PTBP2: variants seen among roughly 807,000 people sequenced by gnomAD.
PTBP2 encodes the protein polypyrimidine tract-binding protein 2.
A neutral mutation model predicts 61.4 loss-of-function variants in PTBP2; 13 were observed. That is an observed-to-expected ratio of 0.21 (90% confidence interval 0.14 to 0.34). The LOEUF (loss-of-function observed/expected upper bound fraction) is 0.34. Ranked by LOEUF, PTBP2 falls within the 10% of genes least tolerant of loss-of-function variation. The pLI is 1.00. For synonymous variants in PTBP2, 215 were observed against 218.5 expected (o/e 0.98, Z 0.14); for missense variants, 405 against 642.6 (o/e 0.63, Z 4.00).
chr1:96,761,346 ATG>A (rs57451223), intron 3 of PTBP2, among the ~76,000 whole-genome samples: 9,710 of 140,418 alleles, frequency 0.069, 361 homozygotes, highest in Admixed American at 0.11. Context: ...GTGGGATTTG[ATG>A]TGTGTGTGTG....
At chr1:96,822,756 A>G (rs1557791258) in exon 14 of PTBP2, 1 of 150,304 alleles carries the variant, frequency 6.7e-6, no homozygotes, top group African/African-American at 2.5e-5. Flanking sequence ...ACCCTTACTC[A>G]GTAAAGCTGC....
intron 11 of PTBP2, among the ~76,000 whole-genome samples, chr1:96,809,393 A>G (rs182795734): frequency 1.3e-3 from 192 of 152,370 alleles, no homozygotes; most frequent in African/African-American, 4.4e-3. Flanking sequence ...TTCAAAGAGT[A>G]TCATACAGAC....
intron 3 of PTBP2, among the ~76,000 whole-genome samples, chr1:96,759,663 T>C (rs1655569614): frequency 1.3e-5 from 2 of 152,182 alleles, no homozygotes; most frequent in Admixed American, 1.3e-4. Flanking sequence ...CTTAAAGGAA[T>C]ATATAAACTT....
At chr1:96,777,532 A>G in intron 5 of PTBP2, 53 bp from the exon 6 acceptor site, 11 of 1,497,444 alleles carry the variant, frequency 7.3e-6, no homozygotes, top group Non-Finnish European at 9.9e-6. Flanking sequence ...ACAGGTTGCA[A>G]AGTATGTGAC....
chr1:96,819,400 A>G (rs917067300), downstream of PTBP2: 1 of 151,798 alleles, frequency 6.6e-6, no homozygotes, highest in Non-Finnish European at 1.5e-5. Context: ...AATCTTATCT[A>G]TTGTCATGTC....
intron 2 of PTBP2, among the ~76,000 whole-genome samples, chr1:96,732,226 A>C (rs1651525111): frequency 6.6e-6 from 1 of 152,168 alleles, no homozygotes; most frequent in South Asian, 2.1e-4. Context: ...GCTAAATGTA[A>C]CTTTTTTGGT....
intron 3 of PTBP2, among the ~76,000 whole-genome samples, chr1:96,768,356 A>C (rs1656984687): frequency 6.6e-6 from 1 of 152,120 alleles, no homozygotes; most frequent in African/African-American, 2.4e-5. Flanking sequence ...TTGGAGACCA[A>C]GATAATCTGA....
intron 11 of PTBP2, among the ~76,000 whole-genome samples, chr1:96,809,197 C>G (rs1212609929): frequency 6.6e-6 from 1 of 152,092 alleles, no homozygotes; most frequent in Non-Finnish European, 1.5e-5. Flanking sequence ...TTTCAATTCA[C>G]TTTTCTGAAT....
intron 3 of PTBP2, among the ~76,000 whole-genome samples, chr1:96,761,378 G>GTT: frequency 6.8e-6 from 1 of 146,686 alleles, no homozygotes; most frequent in Admixed American, 6.7e-5. Flanking sequence ...GTGTGTGTGT[G>GTT]TGTGTGTGTG....
intron 2 of PTBP2, among the ~76,000 whole-genome samples, chr1:96,737,224 C>T (rs531364532): frequency 6.6e-6 from 1 of 151,972 alleles, no homozygotes; most frequent in South Asian, 2.1e-4. Context: ...CCCTGGCCTC[C>T]CAAAGTGCTG....
At chr1:96,765,023 T>G (rs1381728648) in intron 3 of PTBP2, among the ~76,000 whole-genome samples, 1 of 152,232 alleles carries the variant, frequency 6.6e-6, no homozygotes, top group African/African-American at 2.4e-5. Flanking sequence ...GTACCACCTA[T>G]CTGCACCTAC....
intron 2 of PTBP2, among the ~76,000 whole-genome samples, chr1:96,727,651 T>G (rs970201541): frequency 6.6e-6 from 1 of 152,220 alleles, no homozygotes; most frequent in African/African-American, 2.4e-5. Flanking sequence ...TCTATGATGT[T>G]GGACATCTTT....
intron 1 of PTBP2, among the ~76,000 whole-genome samples, chr1:96,722,600 T>G (rs1649765589): frequency 6.6e-6 from 1 of 152,072 alleles, no homozygotes; most frequent in South Asian, 2.1e-4. Context: ...AGAAATTAAA[T>G]CATCTAAAAA....
At position 96,769,123 on chromosome 1, in the gene PTBP2, G is replaced by A. The variant is rs543670216; in HGVS notation, c.116-580G>A. Reference sequence around the variant, plus strand: ...TGCATTGTTAGGTAATTTTGTCACTGCATAAATGTCATAGAGTACATTTGC... The same window carrying A: ...TGCATTGTTAGGTAATTTTGTCACTACATAAATGTCATAGAGTACATTTGC... On this transcript the variant is annotated intron_variant, in intron 3 of 13. Coordinates refer to ENST00000674951, the MANE Select transcript of PTBP2 (RefSeq NM_021190.4). 5.7e-4 allele frequency among the ~76,000 whole-genome samples: 87 copies of A among 152,084 alleles called. 1 individual carries two copies. Among genetic ancestry groups the A allele is most frequent in the Non-Finnish European group, 6.6e-4 (45 of 67,860 alleles).
intron 8 of PTBP2, among the ~76,000 whole-genome samples, chr1:96,787,846 C>A (rs1395042797): frequency 6.6e-6 from 1 of 152,118 alleles, no homozygotes; most frequent in East Asian, 1.9e-4. Flanking sequence ...GACATGTAGG[C>A]TATTCCATAC....
chr1:96,799,674 T>C (rs1242647503), intron 8 of PTBP2, among the ~76,000 whole-genome samples: 1 of 152,168 alleles, frequency 6.6e-6, no homozygotes, highest in Non-Finnish European at 1.5e-5. Context: ...TTAGAGCCAG[T>C]GTATACAATA....
chr1:96,721,819 G>T lies in PTBP2; in HGVS notation c.-46G>T, dbSNP rs1451579724. ...TTCTCGCCGCTTGTGTGGCTCGCTG[G>T]CTGCGTGGCTCGGTTCTTGTGAGCG... On this transcript the variant is annotated 5_prime_UTR_variant, in exon 1 of 14. Coordinates refer to ENST00000674951, the MANE Select transcript of PTBP2 (RefSeq NM_021190.4). The T allele has an allele frequency of 6.4e-7, 1 of 1,554,276 alleles. No individual in the cohort carries two copies. The highest frequency in any genetic ancestry group is 1.2e-5 in the South Asian group (1 of 84,254).
In PTBP2 at chr1:96,777,866, A is replaced by G. The variant is rs780746951; in HGVS notation, c.628A>G (p.Ile210Val). Reference protein sequence around the residue: ...IFSKFGAVLKIITFTKNNQFQ... With the variant: ...IFSKFGAVLKVITFTKNNQFQ... The stretch of plus-strand genomic sequence containing the variant: ...TTCTAAGTTTGGTGCTGTATTGAAG[A>G]TAATCACATTTACAAAAAATAACCA... The change falls in exon 7 of 14, where the codon ATA (isoleucine) becomes GTA (valine). Residue 210 changes from isoleucine to valine, a missense_variant. By Grantham distance (29) the Ile-to-Val change is conservative. This residue lies in a region of PTBP2 where 342 missense variants were observed against 491.2 expected (regional missense o/e 0.70). Transcript: ENST00000674951. 6.3e-7 allele frequency: 1 copy of G among 1,587,342 alleles called. No individual in the cohort carries two copies. The highest frequency in any genetic ancestry group is 8.6e-7 in the Non-Finnish European group (1 of 1,164,970).
intron 3 of PTBP2, among the ~76,000 whole-genome samples, chr1:96,760,715 G>A (rs1371038971): frequency 1.3e-5 from 2 of 152,084 alleles, no homozygotes; most frequent in Non-Finnish European, 1.5e-5. Context: ...AGAGTGCTGG[G>A]ATTACAGGCC....
Sources: allele counts gnomAD v4.1 joint callset (sites outside exome capture counted in the v4.1 genomes callset), GRCh38; gene constraint gnomAD v4.1.1; regional missense constraint gnomAD v4.1.1; transcripts MANE v1.5; gene names NCBI Gene and HGNC (gene_info 2026-07-23, HGNC 2026-07-21).